GYPC: variants seen among roughly 807,000 people sequenced by gnomAD.
GYPC encodes glycophorin-C.
In GYPC, 14 loss-of-function variants were observed where a neutral mutation model predicts 12.6. That is an observed-to-expected ratio of 1.11 (90% confidence interval 0.74 to 1.74). The LOEUF (loss-of-function observed/expected upper bound fraction) is 1.74. Ranked by LOEUF, GYPC falls within the 40% of genes most tolerant of loss-of-function variation. GYPC has a pLI of 0.00. For synonymous variants in GYPC, 78 were observed against 62.1 expected (o/e 1.26, Z -1.20); for missense variants, 225 against 172.1 (o/e 1.31, Z -1.72).
chr2:126,694,138 T>A (rs1304112754), intron 3 of GYPC, among the ~76,000 whole-genome samples, 191 bp downstream of exon 3: 1 of 152,118 alleles, frequency 6.6e-6, no homozygotes, highest in Non-Finnish European at 1.5e-5. Context: ...GCATACATCG[T>A]ACGTATCTAT....
intron 1 of GYPC, chr2:126,686,531 T>G: frequency 2.0e-6 from 2 of 985,382 alleles, no homozygotes. Context: ...GGTTCGTGGT[T>G]CCCCAGAAGG....
intron 1 of GYPC, among the ~76,000 whole-genome samples, chr2:126,676,138 T>G (rs1682989969): frequency 1.3e-5 from 2 of 152,254 alleles, no homozygotes; most frequent in African/African-American, 2.4e-5. Flanking sequence ...CATGTCTTTT[T>G]GGGTAACTGC....
intron 1 of GYPC, among the ~76,000 whole-genome samples, chr2:126,671,804 A>G (rs552973393): frequency 5.3e-5 from 8 of 152,358 alleles, no homozygotes; most frequent in African/African-American, 1.9e-4. Context: ...TAGGATGCCC[A>G]GTACATCAGA....
At chr2:126,680,592 G>A (rs1478665557) in intron 1 of GYPC, among the ~76,000 whole-genome samples, 1 of 152,202 alleles carries the variant, frequency 6.6e-6, no homozygotes, top group Admixed American at 6.5e-5. Flanking sequence ...CCTGCTCCCT[G>A]AGAGGTCAGA....
intron 1 of GYPC, among the ~76,000 whole-genome samples, chr2:126,675,174 C>T (rs1303537990): frequency 6.6e-6 from 1 of 152,182 alleles, no homozygotes; most frequent in Non-Finnish European, 1.5e-5. Flanking sequence ...CCTTCGTCAT[C>T]AGAAACATCC....
intron 2 of GYPC, among the ~76,000 whole-genome samples, chr2:126,692,657 C>A (rs1301263768): frequency 6.6e-6 from 1 of 152,156 alleles, no homozygotes; most frequent in Non-Finnish European, 1.5e-5. Context: ...ACATCCCGGT[C>A]CCCAATGTCC....
chr2:126,695,073 G>A (rs904049791), intron 3 of GYPC, among the ~76,000 whole-genome samples: 7 of 152,126 alleles, frequency 4.6e-5, no homozygotes, highest in African/African-American at 7.2e-5. Context: ...GATTCGCCCC[G>A]TCCTCAGTCC....
At chr2:126,669,253 CTACGTGCGCAGTGT>C (rs1405889775) in intron 1 of GYPC, among the ~76,000 whole-genome samples, 1 of 152,192 alleles carries the variant, frequency 6.6e-6, no homozygotes, top group Non-Finnish European at 1.5e-5. Context: ...CCAGAGCTCA[CTACGTGCGCAGTGT>C]TGCCTGGCGA....
At chr2:126,677,276 TGA>T (rs985266268) in intron 1 of GYPC, among the ~76,000 whole-genome samples, 6 of 151,744 alleles carry the variant, frequency 4.0e-5, no homozygotes, top group East Asian at 1.9e-4. Context: ...TGAGTGCATG[TGA>T]GAGTGTGTGA....
At chr2:126,668,620 C>G (rs992804231) in intron 1 of GYPC, among the ~76,000 whole-genome samples, 2 of 152,244 alleles carry the variant, frequency 1.3e-5, no homozygotes. Flanking sequence ...GGTTTACGCT[C>G]AAACTCCAGG....
rs530670843 is a variant in GYPC, at chr2:126,676,096, T to C, written c.50-14159T>C. On this transcript the variant is annotated intron_variant, in intron 1 of 3. Transcript: ENST00000259254. ...CTTCTCTAGGAGCCTCTAATCCTGA[T>C]TGAAGAAACAGATCCACCCCTGTAA... Among the ~76,000 whole-genome samples the C allele has an allele frequency of 1.4e-4, 21 of 152,366 alleles. No homozygotes were observed. In the East Asian group the frequency reaches 1.7e-3, roughly 13 times the overall value.
intron 1 of GYPC, among the ~76,000 whole-genome samples, chr2:126,662,008 G>A (rs759366130): frequency 2.0e-5 from 3 of 152,200 alleles, no homozygotes; most frequent in East Asian, 1.9e-4. Flanking sequence ...CTGCCAGGGC[G>A]CCTCACACCC....
At chr2:126,677,504 AGAGT>A (rs904795520) in intron 1 of GYPC, among the ~76,000 whole-genome samples, 6 of 90,964 alleles carry the variant, frequency 6.6e-5, no homozygotes, top group African/African-American at 1.9e-4. Flanking sequence ...TGTGTGTATG[AGAGT>A]GTGTGTGAGT....
intron 1 of GYPC, among the ~76,000 whole-genome samples, chr2:126,679,078 T>G (rs866241953): frequency 6.6e-6 from 1 of 152,248 alleles, no homozygotes; most frequent in Non-Finnish European, 1.5e-5. Context: ...CTAATTATGC[T>G]GAAAATGCAA....
At chr2:126,678,878 G>C (rs1318497279) in intron 1 of GYPC, 1 of 152,252 alleles carries the variant, frequency 6.6e-6, no homozygotes, top group Non-Finnish European at 1.5e-5. Flanking sequence ...CTGCGGTCCT[G>C]CCCACTCCCC....
At chr2:126,669,766 G>T (rs1682790217) in intron 1 of GYPC, among the ~76,000 whole-genome samples, 1 of 152,164 alleles carries the variant, frequency 6.6e-6, no homozygotes, top group Non-Finnish European at 1.5e-5. Context: ...AAGTTCCGAT[G>T]AGCTAGTGTT....
intron 1 of GYPC, chr2:126,686,192 C>T (rs2104799890): frequency 5.1e-6 from 5 of 985,376 alleles, no homozygotes; most frequent in Non-Finnish European, 6.0e-6. Flanking sequence ...AGTGTGACTT[C>T]CAGCCTCAGG....
chr2:126,684,431 C>T (rs1417772872), intron 1 of GYPC, among the ~76,000 whole-genome samples: 1 of 152,152 alleles, frequency 6.6e-6, no homozygotes, highest in Non-Finnish European at 1.5e-5. Flanking sequence ...CAGAGGCTTA[C>T]TGACCACTCT....
intron 1 of GYPC, among the ~76,000 whole-genome samples, chr2:126,683,923 A>G (rs2104797140): frequency 6.6e-6 from 1 of 152,312 alleles, no homozygotes; most frequent in South Asian, 2.1e-4. Flanking sequence ...CAGAGAGGCC[A>G]CATCTCCTCC....
Sources: gnomAD v4.1 joint callset for allele counts (sites outside exome capture counted in the v4.1 genomes callset) on GRCh38, gnomAD v4.1.1 for gene constraint, MANE v1.5 for transcripts, NCBI Gene and HGNC (gene_info 2026-07-23, HGNC 2026-07-21) for gene names.